FBLN7: variants seen among roughly 807,000 people sequenced by gnomAD.
The protein encoded by FBLN7 is fibulin-7.
In FBLN7, 31 loss-of-function variants were observed where a neutral mutation model predicts 44.0. The observed-to-expected ratio is 0.70, with a 90% CI of 0.53 to 0.95. The LOEUF (loss-of-function observed/expected upper bound fraction) is 0.95, where lower values mean the gene tolerates loss of function less well. FBLN7 is among the 40% of genes least tolerant of loss of function. FBLN7 has a pLI of 0.00. For synonymous variants in FBLN7, 262 were observed against 253.4 expected, an observed-to-expected ratio of 1.03 and a Z score of -0.32; for missense variants, 573 against 618.5, an observed-to-expected ratio of 0.93 and a Z score of 0.78.
the FBLN7 span, chr2:112,233,236 ACCATATCTTGTG>A: frequency 1.5e-6 from 2 of 1,304,954 alleles, no homozygotes; most frequent in Non-Finnish European, 2.1e-6. Flanking sequence ...TTATAAAGTC[ACCATATCTTGTG>A]ATAAAGGATA....
the FBLN7 span, among the ~76,000 whole-genome samples, chr2:112,223,557 A>G: frequency 3.3e-5 from 5 of 152,156 alleles, no homozygotes; most frequent in Non-Finnish European, 7.3e-5. Context: ...TATTACTTTT[A>G]TAAGAATATT....
downstream of FBLN7, chr2:112,190,230 T>C (rs1359667821): frequency 6.6e-6 from 1 of 152,228 alleles, no homozygotes; most frequent in Non-Finnish European, 1.5e-5. Context: ...ATGCTTCCAG[T>C]AGGAGGAGCA....
chr2:112,230,895 A>G, the FBLN7 span: 1 of 1,295,920 alleles, frequency 7.7e-7, no homozygotes, highest in Non-Finnish European at 1.0e-6. Flanking sequence ...GGTAAATTCT[A>G]ATTTTACCTT....
chr2:112,158,424 ATTATT>A (rs529220481), intron 1 of FBLN7, among the ~76,000 whole-genome samples: 8 of 151,052 alleles, frequency 5.3e-5, no homozygotes, highest in Non-Finnish European at 8.9e-5. Context: ...TTTGTTTTTA[ATTATT>A]TTATTTTATT....
intron 1 of FBLN7, among the ~76,000 whole-genome samples, chr2:112,143,536 G>A (rs1449599752): frequency 6.6e-6 from 1 of 152,076 alleles, no homozygotes. Flanking sequence ...AAAAATAAAT[G>A]TTGTTCATGT....
chr2:112,157,380 AATTAAATTAAATTAAAAC>A (rs1269617550), intron 1 of FBLN7, among the ~76,000 whole-genome samples: 2 of 151,838 alleles, frequency 1.3e-5, no homozygotes, highest in African/African-American at 4.8e-5. Flanking sequence ...ATTAAAAAAA[AATTAAATTAAATTAAAAC>A]ATAATCCATA....
the FBLN7 span, among the ~76,000 whole-genome samples, chr2:112,239,621 A>G: frequency 1.5e-4 from 17 of 110,584 alleles, no homozygotes; most frequent in African/African-American, 6.4e-4. Flanking sequence ...TTCTCACTCT[A>G]TTGCCCAGGC....
At chr2:112,244,065 A>C in the FBLN7 span, among the ~76,000 whole-genome samples, 1 of 152,048 alleles carries the variant, frequency 6.6e-6, no homozygotes. Flanking sequence ...AAAGGATATG[A>C]ATAAATAATC....
At position 112,187,441 on chromosome 2, in the gene FBLN7, G is replaced by A. The variant is rs746489625; in HGVS notation, c.1255G>A (p.Asp419Asn). Residue 419 changes from aspartate to asparagine, a missense_variant, in exon 8 of 8, where the codon GAC becomes AAC. Coordinates refer to ENST00000331203, the MANE Select transcript of FBLN7 (RefSeq NM_153214.3). The surrounding 1 kb of genome is among the most constrained non-coding windows in gnomAD (Gnocchi z 5.1). ...GGACGTCGACATGTCGGAATACCTGGACCGCTCCTTCCAGGCCAACCACGT... is the reference window on the plus strand; with the variant it reads ...GGACGTCGACATGTCGGAATACCTGAACCGCTCCTTCCAGGCCAACCACGT... ...EVDVDMSEYL[D>N]RSFQANHVSK... 1 of 1,614,162 alleles carries A rather than the reference G, an allele frequency of 6.2e-7. No homozygotes were observed. Among genetic ancestry groups the A allele is most frequent in the Non-Finnish European group, 8.5e-7 (1 of 1,180,038 alleles).
chr2:112,156,438 T>C (rs926418199), intron 1 of FBLN7, among the ~76,000 whole-genome samples: 2 of 152,202 alleles, frequency 1.3e-5, no homozygotes, highest in East Asian at 1.9e-4. Flanking sequence ...AACTATTCTT[T>C]GTTACAGCGA....
chr2:112,218,347 G>A, the FBLN7 span, among the ~76,000 whole-genome samples: 17 of 152,168 alleles, frequency 1.1e-4, no homozygotes, highest in African/African-American at 3.9e-4. Flanking sequence ...ATGGAACATA[G>A]ACTCTTCTAG....
the FBLN7 span, among the ~76,000 whole-genome samples, chr2:112,235,182 G>A: frequency 6.6e-6 from 1 of 152,194 alleles, no homozygotes; most frequent in Non-Finnish European, 1.5e-5. Flanking sequence ...TAGGAATACA[G>A]TATGTACAAA....
At chr2:112,201,030 T>G in the FBLN7 span, among the ~76,000 whole-genome samples, 1 of 152,178 alleles carries the variant, frequency 6.6e-6, no homozygotes, top group Non-Finnish European at 1.5e-5. Flanking sequence ...TAAATGCCCT[T>G]CCACAGCTTC....
chr2:112,147,027 G>A (rs1680931276), intron 1 of FBLN7, among the ~76,000 whole-genome samples: 1 of 152,034 alleles, frequency 6.6e-6, no homozygotes, highest in Admixed American at 6.6e-5. Flanking sequence ...TTTTTCACAT[G>A]CTTTTTTTCT....
chr2:112,233,171 C>T, the FBLN7 span: 1 of 806,480 alleles, frequency 1.2e-6, no homozygotes. Flanking sequence ...TTTGGTATAC[C>T]TAAAACACTG....
the FBLN7 span, chr2:112,234,068 CAGAA>C: frequency 9.5e-7 from 1 of 1,050,290 alleles, no homozygotes; most frequent in Non-Finnish European, 1.4e-6. Flanking sequence ...GAGTATCAAA[CAGAA>C]AGAGCAGTTT....
intron 5 of FBLN7, chr2:112,182,151 C>T: frequency 8.7e-6 from 4 of 458,098 alleles, no homozygotes; most frequent in Non-Finnish European, 1.5e-5. Flanking sequence ...GACCCTCCAT[C>T]CCCTCCGCCC....
At chr2:112,146,862 T>C (rs1680922759) in intron 1 of FBLN7, among the ~76,000 whole-genome samples, 5 of 152,248 alleles carry the variant, frequency 3.3e-5, no homozygotes, top group Admixed American at 6.5e-5. Flanking sequence ...AGAGCGAACA[T>C]TCTTGCCTTG....
chr2:112,197,132 C>T, the FBLN7 span, among the ~76,000 whole-genome samples: 2 of 151,896 alleles, frequency 1.3e-5, no homozygotes, highest in East Asian at 1.9e-4. Context: ...AATGTCCTAA[C>T]ACCTGGTACC....
Sources: gnomAD v4.1 joint callset for allele counts (sites outside exome capture counted in the v4.1 genomes callset) on GRCh38, gnomAD v4.1.1 for gene constraint, Gnocchi (gnomAD v3.1) non-coding constraint, MANE v1.5 for transcripts, NCBI Gene and HGNC (gene_info 2026-07-23, HGNC 2026-07-21) for gene names.